Variants in MCTP1 observed in about 807,000 individuals in gnomAD.
The protein encoded by MCTP1 is multiple C2 and transmembrane domain-containing protein 1.
MCTP1 carries 69 observed loss-of-function variants against 120.6 expected under a neutral mutation model. That is an observed-to-expected ratio of 0.57 (90% confidence interval 0.47 to 0.70). The LOEUF (loss-of-function observed/expected upper bound fraction) is 0.70, where lower values mean the gene tolerates loss of function less well. Among genes scored for constraint, MCTP1 ranks in the 30% least tolerant of loss-of-function variants. The probability of loss-of-function intolerance (pLI) is 0.00; values close to 1 mark genes in which losing one functional copy is unlikely to be tolerated. For synonymous variants in MCTP1, 529 were observed against 493.1 expected, an observed-to-expected ratio of 1.07 and a Z score of -0.96; for missense variants, 1,203 against 1,248.8, an observed-to-expected ratio of 0.96 and a Z score of 0.55.
intron 17 of MCTP1, among the ~76,000 whole-genome samples, chr5:94,812,431 T>C (rs1188153485): frequency 6.7e-6 from 1 of 148,590 alleles, no homozygotes; most frequent in East Asian, 2.0e-4. Context: ...AAGGTGGTGC[T>C]GTTTGTGATT....
intron 2 of MCTP1, among the ~76,000 whole-genome samples, chr5:94,985,198 C>A (rs1198141819): frequency 6.6e-6 from 1 of 152,132 alleles, no homozygotes; most frequent in Non-Finnish European, 1.5e-5. Flanking sequence ...CACCAGAAAA[C>A]TTCATGAGTG....
At chr5:94,887,813 A>G (rs989952687) in intron 12 of MCTP1, among the ~76,000 whole-genome samples, 3 of 152,208 alleles carry the variant, frequency 2.0e-5, no homozygotes, top group African/African-American at 7.2e-5. Context: ...ATTAAAATAT[A>G]AAAATATTGC....
chr5:95,168,485 G>A (rs1254686386), intron 1 of MCTP1, among the ~76,000 whole-genome samples: 6 of 152,132 alleles, frequency 3.9e-5, no homozygotes, highest in Admixed American at 2.6e-4. Context: ...ATTACCTTGG[G>A]CAGTATGGCC....
intron 18 of MCTP1, among the ~76,000 whole-genome samples, chr5:94,791,075 C>A (rs1413586868): frequency 7.0e-6 from 1 of 142,462 alleles, no homozygotes; most frequent in African/African-American, 2.6e-5. Flanking sequence ...GAGTTCCAGA[C>A]CAGCCTAGCC....
At chr5:95,079,152 T>C (rs993079793) in intron 1 of MCTP1, among the ~76,000 whole-genome samples, 2 of 152,166 alleles carry the variant, frequency 1.3e-5, no homozygotes. Flanking sequence ...CTTTCCTACT[T>C]GGGTTTATCT....
chr5:94,795,622 T>A (rs1266845538), intron 18 of MCTP1, among the ~76,000 whole-genome samples: 1 of 152,214 alleles, frequency 6.6e-6, no homozygotes, highest in Non-Finnish European at 1.5e-5. Flanking sequence ...CATTTCTGAA[T>A]GAAGCATGTC....
At chr5:94,803,351 G>A (rs747144200) in intron 17 of MCTP1, among the ~76,000 whole-genome samples, 32 of 152,266 alleles carry the variant, frequency 2.1e-4, no homozygotes, top group African/African-American at 6.0e-4. Context: ...GCTTTGGGCC[G>A]TTAGCCATGA....
At chr5:94,903,340 G>A (rs1456479929) in intron 10 of MCTP1, among the ~76,000 whole-genome samples, 1 of 152,188 alleles carries the variant, frequency 6.6e-6, no homozygotes, top group Non-Finnish European at 1.5e-5. Context: ...AATCTATGGA[G>A]TGTCAAATGC....
intron 1 of MCTP1, among the ~76,000 whole-genome samples, chr5:95,083,240 T>C (rs1018040969): frequency 1.3e-5 from 2 of 152,194 alleles, no homozygotes; most frequent in African/African-American, 4.8e-5. Context: ...GCAAATACAC[T>C]GGGCAACACT....
In MCTP1 at chr5:94,868,384, A is replaced by G. The variant is rs1797216900; in HGVS notation, c.2385T>C (p.Val795=). Residue 795 remains valine, a synonymous_variant, in exon 17 of 23, where the codon GTT becomes GTC. Coordinates refer to ENST00000515393, the MANE Select transcript of MCTP1 (RefSeq NM_024717.7). ...GTGAATCCCAATCAAAGCAACTATTAACGTAGTATGCAGCATTTACCAGCA... is the reference window on the plus strand; with the variant it reads ...GTGAATCCCAATCAAAGCAACTATTGACGTAGTATGCAGCATTTACCAGCA... ...VMVLVNAAYY[V]NSCFDWDSPP... 1.2e-5 allele frequency: 19 copies of G among 1,609,370 alleles called. No homozygotes were observed. The East Asian group carries it at 3.8e-4, about 32-fold the overall frequency.
intron 1 of MCTP1, among the ~76,000 whole-genome samples, chr5:95,273,480 T>C (rs967246633): frequency 6.6e-6 from 1 of 152,194 alleles, no homozygotes; most frequent in East Asian, 1.9e-4. Flanking sequence ...TCTCCAAATA[T>C]GTAGCCACCC....
intron 1 of MCTP1, among the ~76,000 whole-genome samples, chr5:95,096,812 C>G (rs1756305086): frequency 6.6e-6 from 1 of 152,000 alleles, no homozygotes; most frequent in South Asian, 2.1e-4. Flanking sequence ...TTAAATGGGG[C>G]CAAGAGAGGA....
chr5:95,097,110 A>T (rs1756330254), intron 1 of MCTP1, among the ~76,000 whole-genome samples: 1 of 152,146 alleles, frequency 6.6e-6, no homozygotes, highest in African/African-American at 2.4e-5. Flanking sequence ...TTAAATTTTT[A>T]AAAATATAGA....
chr5:94,707,589 G>A (rs1258957783), intron 22 of MCTP1, 22 bp from the exon 23 acceptor site: 1 of 1,595,992 alleles, frequency 6.3e-7, no homozygotes, highest in Admixed American at 1.7e-5. Context: ...GAGTTCAGAG[G>A]AAGACTGGTC....
At chr5:95,212,495 C>A (rs1029737064) in intron 1 of MCTP1, among the ~76,000 whole-genome samples, 2 of 152,066 alleles carry the variant, frequency 1.3e-5, no homozygotes, top group African/African-American at 4.8e-5. Context: ...AAGAGGGAAT[C>A]CTCCCTAACT....
At chr5:95,214,571 T>C (rs1752814817) in intron 1 of MCTP1, among the ~76,000 whole-genome samples, 1 of 152,102 alleles carries the variant, frequency 6.6e-6, no homozygotes, top group Non-Finnish European at 1.5e-5. Context: ...CACATATATG[T>C]TTATTGCGGC....
At chr5:95,044,090 T>G (rs566645836) in intron 1 of MCTP1, among the ~76,000 whole-genome samples, 28 of 152,294 alleles carry the variant, frequency 1.8e-4, no homozygotes, top group African/African-American at 6.5e-4. Flanking sequence ...GGTGAGATGG[T>G]TCTGGGCCCT....
chr5:94,711,880 G>T (rs1248697479), intron 20 of MCTP1, among the ~76,000 whole-genome samples: 1 of 152,102 alleles, frequency 6.6e-6, no homozygotes, highest in African/African-American at 2.4e-5. Context: ...ATCACTTAAG[G>T]CTTTTTGTGT....
chr5:95,139,664 A>G (rs1759746663), intron 1 of MCTP1, among the ~76,000 whole-genome samples: 1 of 152,236 alleles, frequency 6.6e-6, no homozygotes, highest in Non-Finnish European at 1.5e-5. Flanking sequence ...TTTTAGTTAC[A>G]TATCCAAGAA....
Sources: gnomAD v4.1 joint callset for allele counts (sites outside exome capture counted in the v4.1 genomes callset) on GRCh38, gnomAD v4.1.1 for gene constraint, MANE v1.5 for transcripts, NCBI Gene and HGNC (gene_info 2026-07-23, HGNC 2026-07-21) for gene names.